Variants in FOXP1 observed in about 807,000 individuals in gnomAD.
The protein encoded by FOXP1 is forkhead box protein P1.
FOXP1 carries 15 observed loss-of-function variants against 98.2 expected under a neutral mutation model. That is an observed-to-expected ratio of 0.15 (90% CI 0.10 to 0.24). The LOEUF (loss-of-function observed/expected upper bound fraction) is 0.24, where lower values mean the gene tolerates loss of function less well. Ranked by LOEUF, FOXP1 falls within the 10% of genes least tolerant of loss-of-function variation. The probability of loss-of-function intolerance (pLI) is 1.00; values close to 1 mark genes in which losing one functional copy is unlikely to be tolerated. For synonymous variants in FOXP1, 371 were observed against 314.5 expected (o/e 1.18, Z -1.90); for missense variants, 633 against 848.5 (o/e 0.75, Z 3.15).
intron 14 of FOXP1, among the ~76,000 whole-genome samples, chr3:70,986,503 A>G (rs182214657): frequency 7.9e-5 from 12 of 152,318 alleles, no homozygotes; most frequent in African/African-American, 2.6e-4. Flanking sequence ...CCATTTCACT[A>G]AAGCCATCTG....
At chr3:71,370,960 C>T (rs1295065765) in intron 3 of FOXP1, among the ~76,000 whole-genome samples, 3 of 152,154 alleles carry the variant, frequency 2.0e-5, no homozygotes, top group East Asian at 1.9e-4. Context: ...CGCCACGACG[C>T]CCAGCTAATT....
rs2031574302 is a variant in FOXP1, at chr3:70,955,575, T to C, written c.*3672A>G. The stretch of plus-strand genomic sequence containing the variant: ...ACATCTTGGCACCTTGTAAAGTTTT[T>C]TTTTTTTTATACAAAAGTTCAATAG... On this transcript the variant is annotated 3_prime_UTR_variant, in exon 21 of 21. Transcript: ENST00000649528. The C allele has an allele frequency of 4.3e-6, 1 of 233,164 alleles. No individual in the cohort carries two copies. Among genetic ancestry groups the C allele is most frequent in the Non-Finnish European group, 8.5e-6 (1 of 117,990 alleles). 14.4% of individuals were successfully genotyped at this position (233,164 alleles called of 1,614,324 possible).
chr3:70,976,790 T>G, intron 17 of FOXP1, 151 bp downstream of exon 17: 1 of 650,552 alleles, frequency 1.5e-6, no homozygotes, highest in Non-Finnish European at 2.8e-6. Context: ...ATGGCACTAT[T>G]TTCCCAATCA....
chr3:70,983,432 G>C (rs920837070), intron 14 of FOXP1, among the ~76,000 whole-genome samples: 1 of 152,080 alleles, frequency 6.6e-6, no homozygotes, highest in Admixed American at 6.6e-5. Context: ...AGAGTTAAAA[G>C]ACCCTTTCTT....
intron 5 of FOXP1, among the ~76,000 whole-genome samples, chr3:71,256,158 C>T (rs1032751238): frequency 6.6e-6 from 1 of 152,154 alleles, no homozygotes; most frequent in African/African-American, 2.4e-5. Context: ...GCTCATCAAA[C>T]TTGCTGTGAT....
chr3:71,192,070 C>T (rs2063012667), intron 6 of FOXP1, among the ~76,000 whole-genome samples: 1 of 152,178 alleles, frequency 6.6e-6, no homozygotes, highest in African/African-American at 2.4e-5. Flanking sequence ...ATACCTTCTT[C>T]TATGCCCCCT....
intron 2 of FOXP1, among the ~76,000 whole-genome samples, chr3:71,528,182 C>T (rs1234770783): frequency 6.6e-6 from 1 of 152,126 alleles, no homozygotes; most frequent in Non-Finnish European, 1.5e-5. Context: ...TTACACCTCC[C>T]GGCATTTGTT....
At chr3:71,273,961 C>T (rs145854459) in intron 5 of FOXP1, among the ~76,000 whole-genome samples, 16 of 152,308 alleles carry the variant, frequency 1.1e-4, no homozygotes, top group African/African-American at 3.6e-4. Flanking sequence ...AATGGCTTCA[C>T]CCAATCCTCT....
intron 4 of FOXP1, chr3:71,306,041 G>C (rs1362420877): frequency 6.6e-6 from 1 of 152,376 alleles, no homozygotes; most frequent in East Asian, 1.9e-4. Flanking sequence ...AAGGTATGTG[G>C]GCTAAACACA....
At chr3:71,026,290 G>A in intron 11 of FOXP1, among the ~76,000 whole-genome samples, 1 of 152,146 alleles carries the variant, frequency 6.6e-6, no homozygotes, top group East Asian at 1.9e-4. Flanking sequence ...CACATAAGCA[G>A]ACAGGGCAAA....
At chr3:71,119,045 C>T (rs560646262) in intron 6 of FOXP1, among the ~76,000 whole-genome samples, 126 of 152,328 alleles carry the variant, frequency 8.3e-4, no homozygotes, top group Non-Finnish European at 1.6e-3. Context: ...TATATAAACA[C>T]ATCTTCCAAT....
At chr3:71,267,134 T>A (rs985236635) in intron 5 of FOXP1, among the ~76,000 whole-genome samples, 19 of 152,054 alleles carry the variant, frequency 1.2e-4, no homozygotes, top group East Asian at 1.2e-3. Context: ...AGTGTGTGTG[T>A]GTGTGTGTGT....
chr3:71,159,344 G>C (rs2061017843), intron 6 of FOXP1, among the ~76,000 whole-genome samples: 1 of 152,140 alleles, frequency 6.6e-6, no homozygotes, highest in African/African-American at 2.4e-5. Flanking sequence ...GCCTGAAAAA[G>C]AGAAGGCTAA....
Position 70,959,343 on chromosome 3 carries a change from T to C in FOXP1, c.1938A>G (p.Glu646=), listed in dbSNP as rs2032633348. 2 of 1,613,822 alleles carry C rather than the reference T, an allele frequency of 1.2e-6. No homozygotes were observed. The highest frequency in any genetic ancestry group is 2.2e-5 in the East Asian group (1 of 44,868). ...CTGTTGTCACTAAGGACAGGGGCCC[T>C]TCAGCTTCCTCTGGATCGAGGGGCT... ...KEEPLDPEEA[E]GPLSLVTTAN... is the part of the protein sequence containing the mutation. Residue 646 remains glutamate, a synonymous_variant, in exon 21 of 21, where the codon GAA becomes GAG. Coordinates refer to ENST00000649528, the MANE Select transcript of FOXP1 (RefSeq NM_001349338.3).
intron 12 of FOXP1, among the ~76,000 whole-genome samples, chr3:71,003,409 C>T (rs1331886753): frequency 6.6e-6 from 1 of 151,708 alleles, no homozygotes. Context: ...CTTTTGGATT[C>T]CCTAAGACTC....
intron 3 of FOXP1, among the ~76,000 whole-genome samples, chr3:71,453,946 A>G (rs2108509127): frequency 6.6e-6 from 1 of 152,346 alleles, no homozygotes; most frequent in South Asian, 2.1e-4. Context: ...CAATGAACAC[A>G]TCAAGTTTTA....
rs145042029 is a variant in FOXP1, at chr3:71,083,282, A to ACATGC, written c.282+29249_282+29253dup. Among the ~76,000 whole-genome samples, 296 of 152,192 alleles carry ACATGC rather than the reference A, an allele frequency of 1.9e-3. 6 individuals carry two copies. The East Asian group carries it at 0.028, about 14-fold the overall frequency. On this transcript the variant is annotated intron_variant, in intron 7 of 20. Transcript: ENST00000649528. ...CTCTCACTCCTGCTCTTGCCATGTG[A>ACATGC]CATGCTGGCTCCCCTTCTGCCTTCC...
chr3:71,353,396 A>T (rs1219432184), intron 4 of FOXP1, among the ~76,000 whole-genome samples: 2 of 152,066 alleles, frequency 1.3e-5, no homozygotes, highest in Non-Finnish European at 2.9e-5. Context: ...ATATTTGGAG[A>T]CAGGGGTGTT....
intron 6 of FOXP1, among the ~76,000 whole-genome samples, chr3:71,113,443 C>T (rs2058100359): frequency 6.6e-6 from 1 of 152,078 alleles, no homozygotes; most frequent in Non-Finnish European, 1.5e-5. Context: ...TTTAAAAGTT[C>T]AAGCAGGCTG....
Sources: gnomAD v4.1 joint callset for allele counts (sites outside exome capture counted in the v4.1 genomes callset) on GRCh38, gnomAD v4.1.1 for gene constraint, MANE v1.5 for transcripts, NCBI Gene and HGNC (gene_info 2026-07-23, HGNC 2026-07-21) for gene names.